The following CYB5R4 variants were observed in gnomAD, a reference collection of about 807,000 sequenced individuals.
The protein encoded by CYB5R4 is N-terminal cytochrome b5 and cytochrome b5 oxidoreductase domain-containing protein.
Under a neutral mutation model 70.2 loss-of-function variants are expected in CYB5R4, and 55 were observed. The ratio of observed to expected loss-of-function variants is 0.78; its 90% CI spans 0.63 to 0.98. The LOEUF (loss-of-function observed/expected upper bound fraction) is 0.98, where lower values mean the gene tolerates loss of function less well. Ranked by LOEUF, CYB5R4 falls within the 50% of genes least tolerant of loss-of-function variation. The pLI is 0.00. For missense variants in CYB5R4, 562 were observed against 612.6 expected, an observed-to-expected ratio of 0.92 and a Z score of 0.87; for synonymous variants, 197 against 199.5, an observed-to-expected ratio of 0.99 and a Z score of 0.11.
chr6:83,919,760 C>CTGTGTGTGTGTGTGTGTG (rs58002492), intron 7 of CYB5R4, among the ~76,000 whole-genome samples: 1 of 141,982 alleles, frequency 7.0e-6, no homozygotes, highest in Non-Finnish European at 1.6e-5. Flanking sequence ...ATGTGTTTTT[C>CTGTGTGTGTGTGTGTGTG]TGTGTGTGTG....
intron 4 of CYB5R4, 40 bp downstream of exon 4, chr6:83,909,130 G>A (rs756301537): frequency 3.9e-6 from 6 of 1,532,092 alleles, no homozygotes; most frequent in Admixed American, 3.4e-5. Flanking sequence ...GATGTGTGGT[G>A]CACATGTATT....
intron 12 of CYB5R4, among the ~76,000 whole-genome samples, chr6:83,939,183 C>G (rs1021956432): frequency 1.3e-5 from 2 of 152,214 alleles, no homozygotes; most frequent in Admixed American, 1.3e-4. Context: ...TTCTTACTAT[C>G]CTGCAATGGA....
chr6:83,952,299 A>G lies in CYB5R4; in HGVS notation c.1347-2999A>G, dbSNP rs367546738. Among the ~76,000 whole-genome samples, 4 of 152,166 alleles carry G rather than the reference A, an allele frequency of 2.6e-5. No homozygotes were observed. The East Asian group carries it at 5.8e-4, about 22-fold the overall frequency. On this transcript the variant is annotated intron_variant, in intron 14 of 15. Transcript: ENST00000369681. ...AAAAAGATAAGAAATCAGTAAGACT[A>G]CCCTAGTGGTGGTGAAGTTCTAAAG...
chr6:83,924,262 A>T (rs1288071378), intron 9 of CYB5R4, among the ~76,000 whole-genome samples: 4 of 151,684 alleles, frequency 2.6e-5, no homozygotes, highest in African/African-American at 7.3e-5. Flanking sequence ...GAAAGAACTT[A>T]ATCTGAATCT....
chr6:83,940,291 T>A (rs1211643539), intron 13 of CYB5R4, 85 bp downstream of exon 13: 15 of 1,275,138 alleles, frequency 1.2e-5, no homozygotes, highest in Non-Finnish European at 1.6e-5. Context: ...TCACTGGACC[T>A]TAATAGACAT....
At chr6:83,955,660 A>G (rs1325470) in intron 15 of CYB5R4, among the ~76,000 whole-genome samples, 198 bp downstream of exon 15, 6,397 of 152,288 alleles carry the variant, frequency 0.042, 459 homozygotes, top group African/African-American at 0.15. Context: ...ATAAAACATA[A>G]AAGTAAGTTA....
At chr6:83,934,574 A>G (rs1336471747) in intron 10 of CYB5R4, 21 bp from the exon 11 acceptor site, 1 of 1,566,498 alleles carries the variant, frequency 6.4e-7, no homozygotes, top group East Asian at 2.2e-5. Context: ...TATCAATAAG[A>G]GAAAATGAAT....
intron 2 of CYB5R4, among the ~76,000 whole-genome samples, chr6:83,891,234 G>A (rs754288000): frequency 1.3e-5 from 2 of 152,026 alleles, no homozygotes; most frequent in East Asian, 1.9e-4. Flanking sequence ...GGCATAAGCC[G>A]CCATGCCTGG....
chr6:83,893,097 C>T (rs554547892), intron 2 of CYB5R4, among the ~76,000 whole-genome samples: 1 of 152,276 alleles, frequency 6.6e-6, no homozygotes, highest in East Asian at 1.9e-4. Context: ...GGAGCAAGGG[C>T]AGGCATGCTT....
At chr6:83,947,592 G>C (rs541523785) in intron 14 of CYB5R4, among the ~76,000 whole-genome samples, 3 of 151,988 alleles carry the variant, frequency 2.0e-5, no homozygotes, top group Non-Finnish European at 4.4e-5. Context: ...ATAAATTATC[G>C]TCAGAGTGAA....
At chr6:83,933,272 A>G (rs1392004232) in intron 10 of CYB5R4, among the ~76,000 whole-genome samples, 2 of 152,196 alleles carry the variant, frequency 1.3e-5, no homozygotes, top group Admixed American at 6.5e-5. Context: ...TGATACTCCA[A>G]GGTCTTTGCA....
chr6:83,950,754 C>T (rs1011854521), intron 14 of CYB5R4, among the ~76,000 whole-genome samples: 1 of 151,942 alleles, frequency 6.6e-6, no homozygotes, highest in African/African-American at 2.4e-5. Flanking sequence ...AGAAAAAAAT[C>T]ACCCATAATC....
At chr6:83,930,717 G>A (rs1388498463) in intron 10 of CYB5R4, among the ~76,000 whole-genome samples, 3 of 150,416 alleles carry the variant, frequency 2.0e-5, no homozygotes, top group Non-Finnish European at 4.4e-5. Context: ...AATCTCAAAT[G>A]TTCTTAATGG....
At chr6:83,870,088 A>G (rs1288655046) in intron 2 of CYB5R4, among the ~76,000 whole-genome samples, 1 of 152,214 alleles carries the variant, frequency 6.6e-6, no homozygotes, top group Non-Finnish European at 1.5e-5. Flanking sequence ...GTGTCTTTAA[A>G]CAGCAACACA....
At chr6:83,920,001 A>G (rs2099466119) in intron 7 of CYB5R4, among the ~76,000 whole-genome samples, 1 of 152,120 alleles carries the variant, frequency 6.6e-6, no homozygotes, top group Non-Finnish European at 1.5e-5. Flanking sequence ...TTAGGGAGGT[A>G]GTTCATTCAC....
chr6:83,923,128 C>T (rs961229069), intron 9 of CYB5R4, among the ~76,000 whole-genome samples: 1 of 150,704 alleles, frequency 6.6e-6, no homozygotes, highest in African/African-American at 2.4e-5. Flanking sequence ...TAGAAATATA[C>T]TATGTTAGAC....
intron 2 of CYB5R4, among the ~76,000 whole-genome samples, chr6:83,872,051 T>G (rs1261131213): frequency 1.3e-5 from 2 of 152,228 alleles, no homozygotes; most frequent in African/African-American, 4.8e-5. Flanking sequence ...AAGATTTTTT[T>G]TCTTCAGCAT....
chr6:83,924,407 G>A, intron 9 of CYB5R4, 63 bp from the exon 10 acceptor site: 2 of 1,541,146 alleles, frequency 1.3e-6, no homozygotes, highest in South Asian at 1.2e-5. Flanking sequence ...AGAAATACTG[G>A]TTTTAAAATA....
At chr6:83,947,936 T>G (rs1395588926) in intron 14 of CYB5R4, among the ~76,000 whole-genome samples, 1 of 152,204 alleles carries the variant, frequency 6.6e-6, no homozygotes, top group East Asian at 1.9e-4. Flanking sequence ...TGCAAATTAG[T>G]TCAACCCTTG....
Sources: gnomAD v4.1 joint callset for allele counts (sites outside exome capture counted in the v4.1 genomes callset) on GRCh38, gnomAD v4.1.1 for gene constraint, MANE v1.5 for transcripts, NCBI Gene and HGNC (gene_info 2026-07-23, HGNC 2026-07-21) for gene names.